KAZN: variants seen among roughly 807,000 people sequenced by gnomAD.
KAZN encodes the protein kazrin.
KAZN carries 40 observed loss-of-function variants against 87.4 expected under a neutral mutation model. That is an observed-to-expected ratio of 0.46 (90% CI 0.36 to 0.60). The LOEUF (loss-of-function observed/expected upper bound fraction) is 0.60. KAZN is among the 20% of genes least tolerant of loss of function. KAZN has a pLI of 0.00. For synonymous variants in KAZN, 466 were observed against 458.3 expected (o/e 1.02, Z -0.22); for missense variants, 898 against 1,073.9 (o/e 0.84, Z 2.29).
chr1:15,000,157 A>AACCCAGC (rs1480473893), intron 2 of KAZN, among the ~76,000 whole-genome samples: 24 of 149,442 alleles, frequency 1.6e-4, no homozygotes, highest in African/African-American at 5.7e-4. Context: ...TGAGACTGGA[A>AACCCAGC]AAAGGTCAGA....
At chr1:14,576,327 T>C (rs1553191363) in intron 2 of KAZN, among the ~76,000 whole-genome samples, 2 of 149,090 alleles carry the variant, frequency 1.3e-5, no homozygotes, top group Non-Finnish European at 3.0e-5. Context: ...GATGGATGGA[T>C]GGATGGACGG....
intron 1 of KAZN, among the ~76,000 whole-genome samples, chr1:14,610,181 C>T (rs149495422): frequency 1.3e-5 from 2 of 150,336 alleles, no homozygotes; most frequent in African/African-American, 5.0e-5. Flanking sequence ...TCTGACTTCT[C>T]TTCCAATGAC....
At chr1:14,895,660 T>C (rs1168790375) in intron 1 of KAZN, among the ~76,000 whole-genome samples, 1 of 152,216 alleles carries the variant, frequency 6.6e-6, no homozygotes, top group African/African-American at 2.4e-5. Context: ...GCAGGCCTTG[T>C]GTCCCAAGTC....
chr1:14,221,735 T>C (rs1430927847), intron 2 of KAZN, among the ~76,000 whole-genome samples: 2 of 152,104 alleles, frequency 1.3e-5, no homozygotes, highest in African/African-American at 2.4e-5. Flanking sequence ...GAAAAGGGGA[T>C]GAGGTGGGAA....
intron 1 of KAZN, among the ~76,000 whole-genome samples, chr1:14,126,270 A>G (rs921892109): frequency 1.3e-5 from 2 of 152,146 alleles, no homozygotes; most frequent in Non-Finnish European, 2.9e-5. Flanking sequence ...GCAGCCAAAG[A>G]TAGAAGTTTC....
chr1:14,574,570 G>A (rs983656051), intron 2 of KAZN, among the ~76,000 whole-genome samples: 11 of 152,072 alleles, frequency 7.2e-5, no homozygotes, highest in African/African-American at 2.4e-4. Flanking sequence ...ATCTTCTGCC[G>A]TGATTGTGAG....
intron 2 of KAZN, among the ~76,000 whole-genome samples, chr1:14,983,405 G>A (rs11589152): frequency 0.11 from 16,142 of 152,148 alleles, 2,819 homozygotes; most frequent in African/African-American, 0.37. Flanking sequence ...ATCGTTGCTC[G>A]CCTATCAGGT....
chr1:14,174,126 TAC>T (rs1047279641), intron 1 of KAZN, among the ~76,000 whole-genome samples: 25 of 152,288 alleles, frequency 1.6e-4, no homozygotes, highest in African/African-American at 6.0e-4. Flanking sequence ...TAACTGAGGG[TAC>T]ACACTGAATA....
At chr1:15,068,077 G>C in intron 8 of KAZN, 2 of 908,336 alleles carry the variant, frequency 2.2e-6, no homozygotes, top group Non-Finnish European at 2.6e-6. Flanking sequence ...TTTCCCGTGG[G>C]AAAGGTTTCT....
At chr1:14,510,558 A>G (rs1670850308) in intron 2 of KAZN, among the ~76,000 whole-genome samples, 1 of 152,210 alleles carries the variant, frequency 6.6e-6, no homozygotes, top group South Asian at 2.1e-4. Context: ...TAAATCTGGC[A>G]ATGCTATATA....
chr1:14,091,484 A>G (rs1643992068), intron 1 of KAZN, among the ~76,000 whole-genome samples: 2 of 152,036 alleles, frequency 1.3e-5, no homozygotes, highest in Non-Finnish European at 2.9e-5. Flanking sequence ...AGGAAGGTAA[A>G]TTTTGTCTTG....
chr1:14,594,801 A>T (rs1235943521), upstream of KAZN, among the ~76,000 whole-genome samples: 1 of 152,130 alleles, frequency 6.6e-6, no homozygotes, highest in Non-Finnish European at 1.5e-5. Flanking sequence ...CCCCATAGAC[A>T]GGCAAATGGG....
intron 1 of KAZN, among the ~76,000 whole-genome samples, chr1:13,976,966 T>C (rs1638391379): frequency 6.6e-6 from 1 of 152,210 alleles, no homozygotes; most frequent in African/African-American, 2.4e-5. Context: ...AGGAAATATT[T>C]TTCTTCATCT....
intron 1 of KAZN, among the ~76,000 whole-genome samples, chr1:14,951,391 G>A (rs1662463262): frequency 6.6e-6 from 1 of 152,004 alleles, no homozygotes; most frequent in South Asian, 2.1e-4. Flanking sequence ...TTGGGGTCCT[G>A]GGAGTCCCTG....
At chr1:14,960,643 G>C in intron 1 of KAZN, 41 bp from the exon 2 acceptor site, 1 of 1,538,038 alleles carries the variant, frequency 6.5e-7, no homozygotes, top group Non-Finnish European at 8.8e-7. Flanking sequence ...GTGAGCGGCA[G>C]AGACGTTCCT....
intron 2 of KAZN, among the ~76,000 whole-genome samples, chr1:14,419,306 C>T (rs544230971): frequency 1.3e-5 from 2 of 152,318 alleles, no homozygotes; most frequent in South Asian, 4.1e-4. Flanking sequence ...GAAAGAAAGG[C>T]CGGGTCTGAC....
chr1:14,806,291 G>A lies in KAZN; in HGVS notation c.227-154393G>A, dbSNP rs1339567844. 3.3e-5 allele frequency among the ~76,000 whole-genome samples: 5 copies of A among 152,218 alleles called. No homozygotes were observed. In the East Asian group the frequency reaches 9.6e-4, roughly 29 times the overall value. The stretch of plus-strand genomic sequence containing the variant: ...TCACCCCACAGGGGCACCTAGACAT[G>A]ATTGACACTCCCTGGGAGGGGGTTT... On this transcript the variant is annotated intron_variant, in intron 1 of 14. Coordinates refer to ENST00000376030, the MANE Select transcript of KAZN (RefSeq NM_201628.3).
chr1:13,919,538 T>C (rs1639985889), intron 1 of KAZN, among the ~76,000 whole-genome samples: 2 of 152,232 alleles, frequency 1.3e-5, no homozygotes, highest in African/African-American at 2.4e-5. Context: ...TTGGTGTACA[T>C]GTACACATAT....
intron 2 of KAZN, among the ~76,000 whole-genome samples, chr1:14,463,714 G>A (rs568594629): frequency 4.3e-4 from 65 of 152,186 alleles, no homozygotes; most frequent in Middle Eastern, 3.4e-3. Flanking sequence ...TCCAGGCACC[G>A]TCCTCAGCCC....
Sources: gnomAD v4.1 joint callset for allele counts (sites outside exome capture counted in the v4.1 genomes callset) on GRCh38, gnomAD v4.1.1 for gene constraint, MANE v1.5 for transcripts, NCBI Gene and HGNC (gene_info 2026-07-23, HGNC 2026-07-21) for gene names.